TRIM49B: variants seen among roughly 807,000 people sequenced by gnomAD.
TRIM49B encodes tripartite motif containing 49B.
A neutral mutation model predicts 31.8 loss-of-function variants in TRIM49B; 18 were observed. That is an observed-to-expected ratio of 0.57 (90% CI 0.39 to 0.84). TRIM49B has a LOEUF of 0.84. TRIM49B is among the 40% of genes least tolerant of loss of function. The pLI is 0.00. For synonymous variants in TRIM49B, 196 were observed against 180.6 expected (o/e 1.09, Z -0.68); for missense variants, 494 against 538.7 (o/e 0.92, Z 0.82).
At chr11:49,034,007 G>A (rs1167626733) in intron 3 of TRIM49B, 139 bp from the exon 4 acceptor site, 3 of 1,443,702 alleles carry the variant, frequency 2.1e-6, no homozygotes, top group Admixed American at 1.9e-5. Flanking sequence ...AAAAGGAAAG[G>A]AACAAAATTT....
Position 49,036,338 on chromosome 11 carries a change from A to C in TRIM49B, c.799A>C (p.Asn267His). ...GCTGCTGCACATGCCCCAGCCTCTG[A>C]ATCCAGAGCTCAGTGCAGGGCCCAT... Reference protein sequence around the residue: ...SVLLHMPQPLNPELSAGPITG... With the variant: ...SVLLHMPQPLHPELSAGPITG... The change falls in exon 6 of 7, where the codon AAT (asparagine) becomes CAT (histidine). Residue 267 changes from asparagine to histidine, a missense_variant. Coordinates refer to ENST00000332682, the MANE Select transcript of TRIM49B (RefSeq NM_001206626.2). 3 of 1,572,148 alleles carry C rather than the reference A, an allele frequency of 1.9e-6. No individual in the cohort carries two copies. Among genetic ancestry groups the C allele is most frequent in the Non-Finnish European group, 2.6e-6 (3 of 1,159,902 alleles).
intron 3 of TRIM49B, among the ~76,000 whole-genome samples, chr11:49,033,475 A>ATATG (rs5791864): frequency 2.0e-5 from 3 of 148,864 alleles, no homozygotes; most frequent in East Asian, 2.0e-4. Context: ...GTATATATAT[A>ATATG]TATGTATGTA....
Position 49,037,749 on chromosome 11 carries a change from C to T in TRIM49B, c.1131C>T (p.Leu377=). ...AGAAGATAGATGGAGAGGATGGACT[C>T]TTTCTTCTTGGGTGTGTTAAGAATG... is the stretch of plus-strand genomic sequence containing the variant. ...QNEKIDGEDG[L]FLLGCVKNDI... Residue 377 remains leucine (L), a synonymous_variant, in exon 7 of 7, where the codon CTC becomes CTT. Coordinates refer to ENST00000332682, the MANE Select transcript of TRIM49B (RefSeq NM_001206626.2). 2 of 1,613,950 alleles carry T rather than the reference C, an allele frequency of 1.2e-6. No individual in the cohort carries two copies. The highest frequency in any genetic ancestry group is 1.7e-6 in the Non-Finnish European group (2 of 1,179,866).
intron 3 of TRIM49B, among the ~76,000 whole-genome samples, chr11:49,033,566 G>C (rs1164028350): frequency 6.6e-6 from 1 of 152,116 alleles, no homozygotes; most frequent in African/African-American, 2.4e-5. Flanking sequence ...TTTTGAGTTT[G>C]TGTATATTTG....
chr11:49,034,073 A>G (rs1335805053), intron 3 of TRIM49B, 73 bp from the exon 4 acceptor site: 1 of 1,608,398 alleles, frequency 6.2e-7, no homozygotes, highest in East Asian at 2.2e-5. Flanking sequence ...TTCGAGAGAC[A>G]AAAGGAATCA....
intron 6 of TRIM49B, among the ~76,000 whole-genome samples, 175 bp downstream of exon 6, chr11:49,036,573 A>G (rs1565093203): frequency 6.6e-6 from 1 of 152,036 alleles, no homozygotes; most frequent in Non-Finnish European, 1.5e-5. Flanking sequence ...GATTTATAGC[A>G]TTAAGTTTGA....
intron 1 of TRIM49B, among the ~76,000 whole-genome samples, chr11:49,030,884 T>C (rs545868883): frequency 6.6e-6 from 1 of 152,284 alleles, no homozygotes; most frequent in Non-Finnish European, 1.5e-5. Flanking sequence ...GGAAGTTAAT[T>C]TAATCCGCAA....
intron 1 of TRIM49B, among the ~76,000 whole-genome samples, chr11:49,029,982 G>C (rs569982924): frequency 2.0e-5 from 3 of 152,242 alleles, no homozygotes; most frequent in African/African-American, 4.8e-5. Context: ...GTATACCATA[G>C]GTGTGTAGTA....
In TRIM49B at chr11:49,037,840, C is replaced by A. The variant is rs780378980; in HGVS notation, c.1222C>A (p.Arg408=). Residue 408 remains arginine (R), a synonymous_variant, in exon 7 of 7, where the codon CGA becomes AGA. Transcript: ENST00000332682. ...LLQYIPRPTS[R]VGLFLDCEAK... ...GCAATATATCCCAAGACCTACCAGCCGAGTAGGATTATTCCTGGATTGTGA... is the reference window on the plus strand; with the variant it reads ...GCAATATATCCCAAGACCTACCAGCAGAGTAGGATTATTCCTGGATTGTGA... 2 of 1,613,888 alleles carry A rather than the reference C, an allele frequency of 1.2e-6. No individual in the cohort carries two copies. Among genetic ancestry groups the A allele is most frequent in the Admixed American group, 3.3e-5 (2 of 60,022 alleles).
At chr11:49,035,478 G>A (rs984276149) in intron 5 of TRIM49B, among the ~76,000 whole-genome samples, 2 of 149,206 alleles carry the variant, frequency 1.3e-5, no homozygotes, top group African/African-American at 4.9e-5. Flanking sequence ...CCCTGCCTCA[G>A]CCTCCCGAGT....
intron 4 of TRIM49B, 65 bp from the exon 5 acceptor site, chr11:49,035,030 C>T: frequency 6.3e-7 from 1 of 1,592,412 alleles, no homozygotes; most frequent in Non-Finnish European, 8.6e-7. Flanking sequence ...AAATCTCACA[C>T]TGAACTTAGT....
At position 49,038,069 on chromosome 11, in the gene TRIM49B, A is replaced by G; in HGVS notation, c.*92A>G. The G allele has an allele frequency of 6.4e-7, 1 of 1,559,524 alleles. No individual in the cohort carries two copies. Among genetic ancestry groups the G allele is most frequent in the East Asian group, 2.2e-5 (1 of 44,702 alleles). On this transcript the variant is annotated 3_prime_UTR_variant, in exon 7 of 7. Coordinates refer to ENST00000332682, the MANE Select transcript of TRIM49B (RefSeq NM_001206626.2). Reference sequence around the variant, plus strand: ...TTGTGCCTTAACATACAGGACAAATAGGCTCTATTTTATATCTTGAATTGC... The same window carrying G: ...TTGTGCCTTAACATACAGGACAAATGGGCTCTATTTTATATCTTGAATTGC...
intron 3 of TRIM49B, 87 bp downstream of exon 3, chr11:49,032,458 A>G: frequency 6.3e-7 from 1 of 1,578,202 alleles, no homozygotes; most frequent in Non-Finnish European, 8.5e-7. Flanking sequence ...ATCAAACTGT[A>G]ATGTTTCTGG....
chr11:49,035,832 T>G (rs915783219), intron 5 of TRIM49B, among the ~76,000 whole-genome samples: 2 of 152,146 alleles, frequency 1.3e-5, no homozygotes, highest in African/African-American at 4.8e-5. Flanking sequence ...TTAACAGTTC[T>G]GAAAAATAGA....
chr11:49,037,241 G>T (rs1169773251), intron 6 of TRIM49B, among the ~76,000 whole-genome samples: 1 of 151,654 alleles, frequency 6.6e-6, no homozygotes, highest in African/African-American at 2.4e-5. Flanking sequence ...TTTGAAAATT[G>T]GATTGAAAGA....
intron 2 of TRIM49B, 24 bp downstream of exon 2, chr11:49,032,034 A>G (rs1186378155): frequency 5.0e-6 from 8 of 1,611,772 alleles, no homozygotes; most frequent in Non-Finnish European, 6.8e-6. Context: ...CTGAAGATCG[A>G]TTTCTGTAAA....
chr11:49,037,262 A>G (rs1397848414), intron 6 of TRIM49B, among the ~76,000 whole-genome samples: 3 of 137,766 alleles, frequency 2.2e-5, no homozygotes, highest in Admixed American at 7.7e-5. Context: ...AGTTGGTCTC[A>G]CATTTGGCTC....
chr11:49,029,264 ATGTATATAATGAG>A (rs1854418432), intron 1 of TRIM49B, among the ~76,000 whole-genome samples: 1 of 152,220 alleles, frequency 6.6e-6, no homozygotes, highest in Non-Finnish European at 1.5e-5. Flanking sequence ...GTGTGTGTAT[ATGTATATAATGAG>A]TGTATTAATA....
intron 4 of TRIM49B, among the ~76,000 whole-genome samples, chr11:49,034,691 T>C (rs1244009014): frequency 6.6e-6 from 1 of 152,132 alleles, no homozygotes; most frequent in African/African-American, 2.4e-5. Flanking sequence ...AGTGATTCAT[T>C]TACATTTAGG....
Sources: allele counts gnomAD v4.1 joint callset (sites outside exome capture counted in the v4.1 genomes callset), GRCh38; gene constraint gnomAD v4.1.1; transcripts MANE v1.5; gene names NCBI Gene and HGNC (gene_info 2026-07-23, HGNC 2026-07-21).